CNTNAP2: variants seen among roughly 807,000 people sequenced by gnomAD.
CNTNAP2 encodes contactin-associated protein-like 2.
A neutral mutation model predicts 155.2 loss-of-function variants in CNTNAP2; 98 were observed. That is an observed-to-expected ratio of 0.63 (90% CI 0.54 to 0.75). The LOEUF is 0.75. Among genes scored for constraint, CNTNAP2 ranks in the 30% least tolerant of loss-of-function variants. CNTNAP2 has a pLI of 0.00. For synonymous variants in CNTNAP2, 651 were observed against 631.2 expected, an observed-to-expected ratio of 1.03 and a Z score of -0.47; for missense variants, 1,727 against 1,688.1, an observed-to-expected ratio of 1.02 and a Z score of -0.40.
At chr7:148,366,026 ATGTGTGTGTATGCATGTATGCATG>A (rs1563059855) in intron 21 of CNTNAP2, among the ~76,000 whole-genome samples, 16 of 966 alleles carry the variant, frequency 0.017, 8 homozygotes, top group Admixed American at 0.097. Flanking sequence ...GCATGTATGC[ATGTGTGTGTATGCATGTATGCATG>A]TGTGTGTATG....
chr7:147,668,371 T>C lies in CNTNAP2; in HGVS notation c.2098+29065T>C, dbSNP rs961444207. On this transcript the variant is annotated intron_variant, in intron 13 of 23. Transcript: ENST00000361727. ...GAAACCCAGCAAAACTTCATAAACA[T>C]ATTTCTGAAAAGAGTGACACATCTT... Among the ~76,000 whole-genome samples, 3 of 152,174 alleles carry C rather than the reference T, an allele frequency of 2.0e-5. 1 individual carries two copies. The highest frequency in any genetic ancestry group is 4.4e-5 in the Non-Finnish European group (3 of 68,034).
intron 3 of CNTNAP2, among the ~76,000 whole-genome samples, chr7:146,891,672 A>G (rs1795780302): frequency 6.6e-6 from 1 of 152,184 alleles, no homozygotes; most frequent in Admixed American, 6.5e-5. Flanking sequence ...ATCTTCTAAC[A>G]TGAACATAAC....
At chr7:147,895,663 T>G (rs1799764605) in intron 13 of CNTNAP2, among the ~76,000 whole-genome samples, 1 of 152,226 alleles carries the variant, frequency 6.6e-6, no homozygotes, top group Admixed American at 6.5e-5. Flanking sequence ...TTAAAAAAGC[T>G]TTCCATTTTT....
intron 3 of CNTNAP2, among the ~76,000 whole-genome samples, chr7:146,953,821 A>G (rs1361671972): frequency 6.6e-6 from 1 of 151,938 alleles, no homozygotes; most frequent in African/African-American, 2.4e-5. Context: ...GTCAATGGAA[A>G]AGTTAACTTT....
At chr7:147,838,022 T>C (rs1798661366) in intron 13 of CNTNAP2, among the ~76,000 whole-genome samples, 1 of 152,230 alleles carries the variant, frequency 6.6e-6, no homozygotes, top group African/African-American at 2.4e-5. Context: ...TTCTGAAATC[T>C]AGGTGGAGGG....
intron 1 of CNTNAP2, among the ~76,000 whole-genome samples, chr7:146,209,342 C>A (rs2116880711): frequency 6.6e-6 from 1 of 152,264 alleles, no homozygotes; most frequent in South Asian, 2.1e-4. Flanking sequence ...CTTCCTTCAC[C>A]TTGGATCTCT....
At chr7:147,692,810 T>C (rs955509888) in intron 13 of CNTNAP2, among the ~76,000 whole-genome samples, 25 of 152,204 alleles carry the variant, frequency 1.6e-4, no homozygotes, top group African/African-American at 6.0e-4. Flanking sequence ...TTTTATTCTC[T>C]TGACATGCTC....
At chr7:146,810,607 A>G (rs1335065387) in intron 2 of CNTNAP2, among the ~76,000 whole-genome samples, 6 of 146,848 alleles carry the variant, frequency 4.1e-5, no homozygotes, top group Admixed American at 4.0e-4. Context: ...TTATTTTCCA[A>G]TTAGGATGCT....
At chr7:147,968,533 G>A (rs1801267049) in intron 14 of CNTNAP2, among the ~76,000 whole-genome samples, 1 of 152,198 alleles carries the variant, frequency 6.6e-6, no homozygotes, top group South Asian at 2.1e-4. Flanking sequence ...ATCAAGGCAA[G>A]AGTGAGGAGG....
chr7:147,220,589 A>G (rs930510567), intron 8 of CNTNAP2, among the ~76,000 whole-genome samples: 5 of 152,192 alleles, frequency 3.3e-5, no homozygotes, highest in Admixed American at 6.5e-5. Context: ...ACTGCTTTGT[A>G]TTTGTTGCCT....
intron 21 of CNTNAP2, among the ~76,000 whole-genome samples, chr7:148,271,795 A>G (rs1796785291): frequency 6.6e-6 from 1 of 152,164 alleles, no homozygotes; most frequent in Admixed American, 6.5e-5. Context: ...CATATACTTC[A>G]GTGAGAGACA....
At chr7:147,399,260 G>A (rs550568620) in intron 10 of CNTNAP2, among the ~76,000 whole-genome samples, 61 of 152,100 alleles carry the variant, frequency 4.0e-4, no homozygotes, top group Non-Finnish European at 4.7e-4. Flanking sequence ...CATTTGCAGC[G>A]TTCTAAATAG....
chr7:147,245,573 C>G (rs1231899306), intron 8 of CNTNAP2, among the ~76,000 whole-genome samples: 2 of 151,898 alleles, frequency 1.3e-5, no homozygotes, highest in Non-Finnish European at 1.5e-5. Context: ...GTGGCTCATG[C>G]CTGTAATCTT....
intron 1 of CNTNAP2, among the ~76,000 whole-genome samples, chr7:146,162,828 T>TA (rs1045287266): frequency 1.3e-5 from 2 of 152,106 alleles, no homozygotes; most frequent in Non-Finnish European, 2.9e-5. Context: ...TATGCAGCCA[T>TA]AAAAAAGGAT....
At chr7:146,721,098 ATT>A (rs1491378493) in intron 1 of CNTNAP2, among the ~76,000 whole-genome samples, 5 of 129,128 alleles carry the variant, frequency 3.9e-5, no homozygotes, top group Non-Finnish European at 7.8e-5. Context: ...GTCTATATAT[ATT>A]CTCTATATAT....
intron 13 of CNTNAP2, among the ~76,000 whole-genome samples, chr7:147,720,146 G>T (rs1284431766): frequency 6.6e-6 from 1 of 152,020 alleles, no homozygotes; most frequent in Non-Finnish European, 1.5e-5. Context: ...TGACACACAT[G>T]TTCCTTTTGT....
chr7:148,267,001 T>G, intron 20 of CNTNAP2, 32 bp from the exon 21 acceptor site: 6 of 1,602,954 alleles, frequency 3.7e-6, no homozygotes, highest in Non-Finnish European at 5.1e-6. Flanking sequence ...AGAGACGTGC[T>G]TCTAAAAGTG....
intron 10 of CNTNAP2, among the ~76,000 whole-genome samples, chr7:147,429,666 G>A (rs986117046): frequency 1.3e-5 from 2 of 151,980 alleles, no homozygotes; most frequent in African/African-American, 4.8e-5. Context: ...AGTTTTTTCT[G>A]ATGTTATCTT....
At chr7:147,622,604 T>C (rs1188103235) in intron 12 of CNTNAP2, among the ~76,000 whole-genome samples, 1 of 151,764 alleles carries the variant, frequency 6.6e-6, no homozygotes, top group Non-Finnish European at 1.5e-5. Context: ...AAACACAACA[T>C]ACCAAAAAAT....
Sources: gnomAD v4.1 joint callset for allele counts (sites outside exome capture counted in the v4.1 genomes callset) on GRCh38, gnomAD v4.1.1 for gene constraint, MANE v1.5 for transcripts, NCBI Gene and HGNC (gene_info 2026-07-23, HGNC 2026-07-21) for gene names.